Variants in GLRX3 observed in about 807,000 individuals in gnomAD.
The protein encoded by GLRX3 is glutaredoxin-3.
Under a neutral mutation model 49.5 loss-of-function variants are expected in GLRX3, and 22 were observed. That is an observed-to-expected ratio of 0.44 (90% confidence interval 0.32 to 0.63). The LOEUF is 0.63. Ranked by LOEUF, GLRX3 falls within the 30% of genes least tolerant of loss-of-function variation. The probability of loss-of-function intolerance (pLI) is 0.05; values close to 1 mark genes in which losing one functional copy is unlikely to be tolerated. For missense variants in GLRX3, 385 were observed against 396.3 expected, an observed-to-expected ratio of 0.97 and a Z score of 0.24; for synonymous variants, 133 against 140.0, an observed-to-expected ratio of 0.95 and a Z score of 0.35.
chr10:130,171,214 T>C (rs1392218959), intron 7 of GLRX3, among the ~76,000 whole-genome samples: 1 of 152,182 alleles, frequency 6.6e-6, no homozygotes, highest in Non-Finnish European at 1.5e-5. Flanking sequence ...TCATAATCAT[T>C]GCAAAAAGGC....
At position 130,166,534 on chromosome 10, in the gene GLRX3, T is replaced by C; in HGVS notation, c.506T>C (p.Leu169Pro). 1 of 1,613,502 alleles carries C rather than the reference T, an allele frequency of 6.2e-7. No individual in the cohort carries two copies. Among genetic ancestry groups the C allele is most frequent in the South Asian group, 1.1e-5 (1 of 91,018 alleles). Residue 169 changes from leucine to proline, a missense_variant, in exon 5 of 11, where the codon CTT becomes CCT. Leu to Pro is a moderately conservative substitution (Grantham distance 98). Around this residue, in one of 2 missense-constraint regions of GLRX3, gnomAD observed 374 missense variants for 358.6 expected, o/e 1.04. Coordinates refer to ENST00000331244, the MANE Select transcript of GLRX3 (RefSeq NM_006541.5). ...TTCAGCAAGCAGATGGTGGAAATTCTTCACAAACATAATATTCAGTTTAGC... is the reference window on the plus strand; with the variant it reads ...TTCAGCAAGCAGATGGTGGAAATTCCTCACAAACATAATATTCAGTTTAGC... ...CGFSKQMVEI[L>P]HKHNIQFSSF... is the part of the protein sequence containing the mutation.
At chr10:130,150,811 A>T (rs1324060357) in intron 2 of GLRX3, among the ~76,000 whole-genome samples, 2 of 152,070 alleles carry the variant, frequency 1.3e-5, no homozygotes, top group Non-Finnish European at 2.9e-5. Context: ...TGGAATTAAA[A>T]TTTTTCAGTG....
intron 2 of GLRX3, 136 bp downstream of exon 2, chr10:130,145,455 T>G (rs7922450): frequency 0.8 from 403,028 of 505,926 alleles, 162,312 homozygotes; most frequent in African/African-American, 0.95. Context: ...CTGAGTTCAG[T>G]AGTTTGAGAC....
chr10:130,148,303 G>A (rs11813411), intron 2 of GLRX3, among the ~76,000 whole-genome samples: 32,739 of 151,634 alleles, frequency 0.22, 3,866 homozygotes, highest in South Asian at 0.3. Context: ...GCTAATTTTT[G>A]TATTTTTTGT....
At chr10:130,178,755 T>A (rs925939887) in intron 10 of GLRX3, among the ~76,000 whole-genome samples, 10 of 152,116 alleles carry the variant, frequency 6.6e-5, no homozygotes, top group Non-Finnish European at 7.4e-5. Context: ...CAGGCTGGAG[T>A]GCAATGGCAC....
intron 10 of GLRX3, among the ~76,000 whole-genome samples, chr10:130,178,181 G>C (rs191464844): frequency 7.7e-4 from 117 of 152,298 alleles, no homozygotes; most frequent in Middle Eastern, 6.8e-3. Flanking sequence ...ATTCCTCTCT[G>C]TGAGTGGAAG....
At chr10:130,170,716 G>A (rs1862790033) in intron 7 of GLRX3, among the ~76,000 whole-genome samples, 1 of 152,018 alleles carries the variant, frequency 6.6e-6, no homozygotes, top group East Asian at 1.9e-4. Flanking sequence ...ATGTTATTGG[G>A]GCTATTAAAA....
chr10:130,149,155 G>A (rs1862323314), intron 2 of GLRX3, among the ~76,000 whole-genome samples: 1 of 152,172 alleles, frequency 6.6e-6, no homozygotes, highest in Admixed American at 6.5e-5. Context: ...TGTCTAGTGG[G>A]CTCTTCTGGG....
At chr10:130,173,548 T>G (rs1862856051) in intron 8 of GLRX3, among the ~76,000 whole-genome samples, 1 of 152,202 alleles carries the variant, frequency 6.6e-6, no homozygotes, top group Non-Finnish European at 1.5e-5. Flanking sequence ...CAAGTGTATA[T>G]TGAGGTTTGA....
intron 10 of GLRX3, among the ~76,000 whole-genome samples, chr10:130,177,259 C>T (rs577121456): frequency 2.0e-5 from 3 of 152,232 alleles, no homozygotes; most frequent in Admixed American, 1.3e-4. Context: ...ATCTAGTGTC[C>T]TGAGAAAATT....
chr10:130,142,558 A>G (rs1862195558), intron 1 of GLRX3, among the ~76,000 whole-genome samples: 1 of 152,128 alleles, frequency 6.6e-6, no homozygotes, highest in Admixed American at 6.5e-5. Context: ...ATTTTCTTGT[A>G]TTAAAAAGGC....
intron 1 of GLRX3, among the ~76,000 whole-genome samples, chr10:130,136,819 C>T (rs970140109): frequency 2.6e-5 from 4 of 152,052 alleles, no homozygotes; most frequent in African/African-American, 7.2e-5. Context: ...CGGCCTCTGG[C>T]CTGGGCGGCC....
In GLRX3 at chr10:130,171,121, A is replaced by AAAATAAAT. The variant is rs371772527; in HGVS notation, c.772-439_772-432dup. ...GGGACAGAGTGAGACTCTGTCTCAA[A>AAAATAAAT]AAATAAATAAATAAATAAATAAATA... On this transcript the variant is annotated intron_variant, in intron 7 of 10. Transcript: ENST00000331244. 1.4e-3 allele frequency among the ~76,000 whole-genome samples: 210 copies of AAAATAAAT among 151,372 alleles called. 2 individuals are homozygous for AAAATAAAT. The highest frequency in any genetic ancestry group is 4.5e-3 in the African/African-American group (186 of 41,198).
At chr10:130,150,811 AT>A (rs1862362081) in intron 2 of GLRX3, among the ~76,000 whole-genome samples, 1 of 152,070 alleles carries the variant, frequency 6.6e-6, no homozygotes, top group Non-Finnish European at 1.5e-5. Flanking sequence ...TGGAATTAAA[AT>A]TTTTCAGTGG....
intron 2 of GLRX3, among the ~76,000 whole-genome samples, chr10:130,153,682 C>T (rs1445499254): frequency 6.6e-6 from 1 of 152,066 alleles, no homozygotes; most frequent in Non-Finnish European, 1.5e-5. Flanking sequence ...TTCGTTCCAG[C>T]GGGGCACCTG....
At chr10:130,176,792 C>CTATATA (rs371839893) in intron 10 of GLRX3, among the ~76,000 whole-genome samples, 1 of 131,222 alleles carries the variant, frequency 7.6e-6, no homozygotes, top group African/African-American at 2.9e-5. Context: ...CTCTCTCTCT[C>CTATATA]TATATATATA....
At chr10:130,159,862 C>A in intron 2 of GLRX3, 133 bp from the exon 3 acceptor site, 1 of 1,339,676 alleles carries the variant, frequency 7.5e-7, no homozygotes, top group Non-Finnish European at 1.0e-6. Flanking sequence ...GTAAATGTGT[C>A]ATAAACTTTT....
chr10:130,171,159 A>G (rs1405876679), intron 7 of GLRX3, among the ~76,000 whole-genome samples: 1 of 152,030 alleles, frequency 6.6e-6, no homozygotes. Context: ...TAAAATAAAA[A>G]GAAAAATGGG....
intron 1 of GLRX3, 52 bp downstream of exon 1, chr10:130,136,564 C>G: frequency 5.6e-6 from 7 of 1,245,012 alleles, no homozygotes; most frequent in Non-Finnish European, 7.1e-6. Flanking sequence ...GGAGCGGCCG[C>G]GAGACCGGGC....
Sources: gnomAD v4.1 joint callset for allele counts (sites outside exome capture counted in the v4.1 genomes callset) on GRCh38, gnomAD v4.1.1 for gene constraint, gnomAD v4.1.1 regional missense constraint, MANE v1.5 for transcripts, NCBI Gene and HGNC (gene_info 2026-07-23, HGNC 2026-07-21) for gene names.